Variants in ALG12 observed in about 807,000 individuals in gnomAD.
The protein encoded by ALG12 is ALG12 alpha-1,6-mannosyltransferase.
In ALG12, 36 loss-of-function variants were observed where a neutral mutation model predicts 46.0. The ratio of observed to expected loss-of-function variants is 0.78; its 90% CI spans 0.60 to 1.03. The LOEUF (loss-of-function observed/expected upper bound fraction) is 1.03. Among genes scored for constraint, ALG12 ranks in the 50% least tolerant of loss-of-function variants. The probability of loss-of-function intolerance (pLI) is 0.00; values close to 1 mark genes in which losing one functional copy is unlikely to be tolerated. For missense variants in ALG12, 599 were observed against 633.5 expected, an observed-to-expected ratio of 0.95 and a Z score of 0.58; for synonymous variants, 326 against 291.6, an observed-to-expected ratio of 1.12 and a Z score of -1.20.
At position 49,904,280 on chromosome 22, in the gene ALG12, A is replaced by T; in HGVS notation, c.1163-26T>A. The T allele has an allele frequency of 1.9e-6, 3 of 1,614,122 alleles. No individual in the cohort carries two copies. The South Asian group carries it at 3.3e-5, about 18-fold the overall frequency. On this transcript the variant is annotated intron_variant, in intron 8 of 9. Coordinates refer to ENST00000330817, the MANE Select transcript of ALG12 (RefSeq NM_024105.4). The stretch of plus-strand genomic sequence containing the variant: ...CTAGGAAAACCAGGCCTGCCGTCAG[A>T]GCCCAGCCCTGCAGTCGGAGCCACA...
intron 6 of ALG12, 45 bp downstream of exon 6, chr22:49,909,199 T>G: frequency 6.3e-7 from 1 of 1,584,998 alleles, no homozygotes; most frequent in Non-Finnish European, 8.7e-7. Flanking sequence ...GAGATGTGGC[T>G]GCAGGTCCCA....
the ALG12 span, among the ~76,000 whole-genome samples, chr22:49,863,604 G>A: frequency 4.0e-5 from 6 of 151,080 alleles, no homozygotes; most frequent in Admixed American, 2.0e-4. Context: ...TCCAGCCTGG[G>A]GACAGAGCGA....
chr22:49,889,676 C>T, the ALG12 span: 19 of 167,252 alleles, frequency 1.1e-4, no homozygotes, highest in South Asian at 2.1e-4. Context: ...TTGTTGAAAC[C>T]GGCACTCAAT....
At chr22:49,880,417 C>G in the ALG12 span, among the ~76,000 whole-genome samples, 1 of 152,204 alleles carries the variant, frequency 6.6e-6, no homozygotes, top group Non-Finnish European at 1.5e-5. Flanking sequence ...GGGACATGCT[C>G]GAGACCACCG....
the ALG12 span, among the ~76,000 whole-genome samples, chr22:49,893,230 G>C: frequency 6.6e-6 from 1 of 152,242 alleles, no homozygotes; most frequent in Non-Finnish European, 1.5e-5. Context: ...AGAGGAGAGA[G>C]AAGGGGTGGA....
In ALG12 at chr22:49,901,310, C is replaced by T. The variant is rs1470822470; in HGVS notation, c.*2528G>A. On this transcript the variant is annotated 3_prime_UTR_variant, in exon 10 of 10. Coordinates refer to ENST00000330817, the MANE Select transcript of ALG12 (RefSeq NM_024105.4). ...CTCACCATCTGGCCTCTGTGGGAGT[C>T]AGGAAGTGTCTGCACAGATGTTCGC... 6.6e-6 allele frequency: 1 copy of T among 152,254 alleles called. No homozygotes were observed. The highest frequency in any genetic ancestry group is 1.5e-5 in the Non-Finnish European group (1 of 68,056). 9.4% of individuals were successfully genotyped at this position (152,254 alleles called of 1,614,324 possible). A position where few individuals can be genotyped will look rare whatever the true frequency, so the allele number is the denominator to read the frequency against.
downstream of ALG12, among the ~76,000 whole-genome samples, chr22:49,897,093 C>T (rs1309707763): frequency 6.7e-6 from 1 of 150,260 alleles, no homozygotes; most frequent in Non-Finnish European, 1.5e-5. Flanking sequence ...TGGACTCATA[C>T]AGTATGTAGC....
At chr22:49,910,326 TG>T in intron 4 of ALG12, 107 bp downstream of exon 4, 1 of 1,441,492 alleles carries the variant, frequency 6.9e-7, no homozygotes. Flanking sequence ...AGGAACCCAG[TG>T]GGGAATGGCC....
Position 49,913,521 on chromosome 22 carries a change from C to T in ALG12, c.163-4G>A, listed in dbSNP as rs776043296. 79 of 1,613,804 alleles carry T rather than the reference C, an allele frequency of 4.9e-5. No individual in the cohort carries two copies. The highest frequency in any genetic ancestry group is 8.3e-5 in the Admixed American group (5 of 60,010). ...CGGGGAACTCAAGATGGTCGTACTG[C>T]GAGGAGAAGGGCAGGTCAGTGCACC... On this transcript the variant is annotated splice_polypyrimidine_tract_variant and splice_region_variant and intron_variant, in intron 2 of 9. Coordinates refer to ENST00000330817, the MANE Select transcript of ALG12 (RefSeq NM_024105.4).
At position 49,903,366 on chromosome 22, in the gene ALG12, C is replaced by A; in HGVS notation, c.*472G>T. ...GTGGCACCAGGGTGGGGGGGTGCGG[C>A]CGGGGCCACCATGGTCTCCCCTGAG... On this transcript the variant is annotated 3_prime_UTR_variant, in exon 10 of 10. Coordinates refer to ENST00000330817, the MANE Select transcript of ALG12 (RefSeq NM_024105.4). 1 of 457,328 alleles carries A rather than the reference C, an allele frequency of 2.2e-6. No individual in the cohort carries two copies. The highest frequency in any genetic ancestry group is 1.6e-5 in the South Asian group (1 of 64,392). The allele number at this position is 457,328 out of a possible 1,614,324, so 28.3% of individuals were successfully genotyped here.
intron 7 of ALG12, among the ~76,000 whole-genome samples, 182 bp downstream of exon 7, chr22:49,907,539 G>A (rs1195881298): frequency 3.9e-5 from 6 of 152,148 alleles, no homozygotes; most frequent in African/African-American, 7.2e-5. Context: ...TCCAGAGGAG[G>A]AGGCAGGAGG....
chr22:49,906,267 G>A lies in ALG12; in HGVS notation c.992+1454C>T, dbSNP rs566165478. ...GCCTGTCACCGAATACAATCCATCC[G>A]CGCCGCTCTCCCCGTCTTTCCTACC... On this transcript the variant is annotated intron_variant, in intron 7 of 9. Coordinates refer to ENST00000330817, the MANE Select transcript of ALG12 (RefSeq NM_024105.4). The surrounding 1 kb of genome is among the most constrained non-coding windows in gnomAD (Gnocchi z 4.4). Among the ~76,000 whole-genome samples the A allele has an allele frequency of 5.5e-4, 84 of 152,210 alleles. No individual in the cohort carries two copies. Among genetic ancestry groups the A allele is most frequent in the East Asian group, 3.9e-4 (2 of 5,176 alleles).
At chr22:49,888,737 C>G in the ALG12 span, 8 of 167,290 alleles carry the variant, frequency 4.8e-5, no homozygotes. Context: ...GTCCTCTTAC[C>G]CGGTAGCTGT....
At chr22:49,884,280 C>G in the ALG12 span, 4 of 1,611,932 alleles carry the variant, frequency 2.5e-6, no homozygotes, top group African/African-American at 1.3e-5. Context: ...TCTCACCCAT[C>G]AAACTTGTCC....
chr22:49,884,957 A>G, the ALG12 span: 2 of 1,611,802 alleles, frequency 1.2e-6, no homozygotes, highest in Non-Finnish European at 1.7e-6. Flanking sequence ...GAGAAGCAGC[A>G]GGCTGATGGG....
At chr22:49,866,397 T>TA in the ALG12 span, among the ~76,000 whole-genome samples, 3 of 152,084 alleles carry the variant, frequency 2.0e-5, no homozygotes, top group East Asian at 1.9e-4. Flanking sequence ...TCTTTTTCAT[T>TA]AAAAAAAATT....
rs2060502285 is a variant in ALG12 at position 49,901,048 on chromosome 22, G to C, written c.*2790C>G. ...GCTCGAAGGAGAGGCACGGCACACA[G>C]GCAGAGCATGGCAGGGTTCCCGCCA... On this transcript the variant is annotated 3_prime_UTR_variant, in exon 10 of 10. Coordinates refer to ENST00000330817, the MANE Select transcript of ALG12 (RefSeq NM_024105.4). 1 of 152,266 alleles carries C rather than the reference G, an allele frequency of 6.6e-6. No homozygotes were observed. The highest frequency in any genetic ancestry group is 2.4e-5 in the African/African-American group (1 of 41,480). The allele number at this position is 152,266 out of a possible 1,614,324, so 9.4% of individuals were successfully genotyped here. A position where few individuals can be genotyped will look rare whatever the true frequency, so the allele number is the denominator to read the frequency against.
chr22:49,874,981 C>G, the ALG12 span, among the ~76,000 whole-genome samples: 1 of 152,102 alleles, frequency 6.6e-6, no homozygotes, highest in Admixed American at 6.6e-5. Context: ...CTGCACCCGG[C>G]CTGTTTTAAT....
the ALG12 span, among the ~76,000 whole-genome samples, chr22:49,869,520 G>A: frequency 6.6e-6 from 1 of 152,166 alleles, no homozygotes; most frequent in East Asian, 1.9e-4. Context: ...ATTCCTCAGG[G>A]AATATTTGTA....
Sources: allele counts gnomAD v4.1 joint callset (sites outside exome capture counted in the v4.1 genomes callset), GRCh38; gene constraint gnomAD v4.1.1; non-coding constraint Gnocchi (gnomAD v3.1); transcripts MANE v1.5; gene names NCBI Gene and HGNC (gene_info 2026-07-23, HGNC 2026-07-21).